The following ZNF35 variants were observed in gnomAD, a reference collection of about 807,000 sequenced individuals.
The protein encoded by ZNF35 is zinc finger protein 35 (clone HF.10).
ZNF35 carries 31 observed loss-of-function variants against 45.9 expected under a neutral mutation model. That is an observed-to-expected ratio of 0.68 (90% confidence interval 0.51 to 0.91). The LOEUF (loss-of-function observed/expected upper bound fraction) is 0.91, where lower values mean the gene tolerates loss of function less well. Among genes scored for constraint, ZNF35 ranks in the 40% least tolerant of loss-of-function variants. ZNF35 has a pLI of 0.00. For missense variants in ZNF35, 515 were observed against 625.4 expected, an observed-to-expected ratio of 0.82 and a Z score of 1.88; for synonymous variants, 205 against 220.2, an observed-to-expected ratio of 0.93 and a Z score of 0.61.
intron 3 of ZNF35, among the ~76,000 whole-genome samples, chr3:44,657,561 A>G (rs1703331408): frequency 6.6e-6 from 1 of 152,102 alleles, no homozygotes; most frequent in African/African-American, 2.4e-5. Flanking sequence ...CCTTTTTGAC[A>G]CCATTAGGTT....
In ZNF35 at chr3:44,659,433, C is replaced by T. The variant is rs753731296; in HGVS notation, c.1070C>T (p.Thr357Ile). ...CTCATTGTCCACCAGAGGATCCACA[C>T]TGGGGAGAAGCCCTTTGCCTGTAAC... ...SNLIVHQRIH[T>I]GEKPFACNDC... Residue 357 changes from threonine (T) to isoleucine (I), a missense_variant, in exon 4 of 4, where the codon ACT becomes ATT. This residue lies in a region of ZNF35 where 232 missense variants were observed against 304.6 expected (regional missense o/e 0.76). Coordinates refer to ENST00000396056, the MANE Select transcript of ZNF35 (RefSeq NM_003420.4). This position sits in a 1 kb window ranked among gnomAD's most constrained non-coding sequence, Gnocchi z 4.3. The T allele has an allele frequency of 1.2e-6, 2 of 1,613,374 alleles. No homozygotes were observed. Among genetic ancestry groups the T allele is most frequent in the African/African-American group, 1.3e-5 (1 of 74,912 alleles).
chr3:44,658,242 C>A (rs1281949923), intron 3 of ZNF35, among the ~76,000 whole-genome samples: 1 of 152,168 alleles, frequency 6.6e-6, no homozygotes, highest in East Asian at 1.9e-4. Flanking sequence ...GTTGCTAGAT[C>A]TTTGTTTACA....
intron 1 of ZNF35, 29 bp downstream of exon 1, chr3:44,648,863 AAC>A (rs1384338706): frequency 6.6e-6 from 1 of 152,260 alleles, no homozygotes; most frequent in Non-Finnish European, 1.5e-5. Context: ...GGTGGGCACG[AAC>A]GTCGAGGGAG....
chr3:44,648,487 G>A (rs1270090974), upstream of ZNF35: 1 of 152,206 alleles, frequency 6.6e-6, no homozygotes, highest in Non-Finnish European at 1.5e-5. Context: ...GCTTTCTACA[G>A]ATTAATGCTG....
rs767448756 is a variant in ZNF35, at chr3:44,659,728, C to G, written c.1365C>G (p.Phe455Leu). 1.7e-5 allele frequency: 28 copies of G among 1,614,010 alleles called. No homozygotes were observed. Among genetic ancestry groups the G allele is most frequent in the Non-Finnish European group, 1.3e-5 (15 of 1,180,028 alleles). ...TGTGTAATGAATGTGGGAAGGCCTT[C>G]ACATGTAGCTCATACCTACTTATTC... ...PYVCNECGKA[F>L]TCSSYLLIHQ... The change falls in exon 4 of 4, where the codon TTC becomes TTG. Residue 455 changes from phenylalanine (F) to leucine (L), a missense_variant. Phe to Leu is a conservative substitution (Grantham distance 22). Transcript: ENST00000396056. The surrounding 1 kb of genome is among the most constrained non-coding windows in gnomAD (Gnocchi z 4.3).
intron 3 of ZNF35, among the ~76,000 whole-genome samples, chr3:44,658,043 G>T (rs1703339954): frequency 6.6e-6 from 1 of 152,204 alleles, no homozygotes; most frequent in Admixed American, 6.5e-5. Context: ...GAGCTAGTTA[G>T]TGTCAGAGCA....
intron 3 of ZNF35, among the ~76,000 whole-genome samples, chr3:44,654,444 G>C (rs1341209804): frequency 2.6e-5 from 4 of 152,176 alleles, no homozygotes; most frequent in African/African-American, 9.7e-5. Context: ...TGTTCATTAA[G>C]TACAGGATTT....
At position 44,651,195 on chromosome 3, in the gene ZNF35, T is replaced by C; in HGVS notation, c.128T>C (p.Ile43Thr). 6.2e-7 allele frequency: 1 copy of C among 1,613,992 alleles called. No homozygotes were observed. Among genetic ancestry groups the C allele is most frequent in the Non-Finnish European group, 8.5e-7 (1 of 1,180,000 alleles). Reference sequence around the variant, plus strand: ...AGCCAACAAGTGCACTCCGAGAACATCAAAGTCTGGGCCCCAGTGCAGGGT... The same window carrying C: ...AGCCAACAAGTGCACTCCGAGAACACCAAAGTCTGGGCCCCAGTGCAGGGT... ...ASSQQVHSENIKVWAPVQGLQ... is the reference protein window; with the variant it reads ...ASSQQVHSENTKVWAPVQGLQ... The change falls in exon 2 of 4, where the codon ATC becomes ACC. Residue 43 changes from isoleucine (I) to threonine (T), a missense_variant. Transcript: ENST00000396056.
chr3:44,657,641 G>T (rs1703332582), intron 3 of ZNF35, among the ~76,000 whole-genome samples: 2 of 152,182 alleles, frequency 1.3e-5, no homozygotes, highest in Admixed American at 6.5e-5. Context: ...AAGTTCTCAT[G>T]ATATTTTCTG....
chr3:44,650,814 A>G (rs1034705271), intron 1 of ZNF35, 127 bp from the exon 2 acceptor site: 36 of 395,398 alleles, frequency 9.1e-5, no homozygotes, highest in Non-Finnish European at 1.6e-4. Flanking sequence ...GGAATAGAGG[A>G]TTCCATGTCC....
Position 44,659,498 on chromosome 3 carries a change from G to T in ZNF35, c.1135G>T (p.Val379Leu), listed in dbSNP as rs1703365573. The T allele has an allele frequency of 1.2e-6, 2 of 1,613,412 alleles. No homozygotes were observed. Among genetic ancestry groups the T allele is most frequent in the Non-Finnish European group, 1.7e-6 (2 of 1,179,858 alleles). The stretch of plus-strand genomic sequence containing the variant: ...CTTTACCCAGAGTGCAAATCTTATT[G>T]TACATCAGCGAAGCCATACTGGTGA... Reference protein sequence around the residue: ...KAFTQSANLIVHQRSHTGEKP... With the variant: ...KAFTQSANLILHQRSHTGEKP... The change falls in exon 4 of 4, where the codon GTA (valine) becomes TTA (leucine). Residue 379 changes from valine to leucine, a missense_variant. Around this residue, in one of 3 missense-constraint regions of ZNF35, gnomAD observed 232 missense variants for 304.6 expected, o/e 0.76. Coordinates refer to ENST00000396056, the MANE Select transcript of ZNF35 (RefSeq NM_003420.4). The surrounding 1 kb of genome is among the most constrained non-coding windows in gnomAD (Gnocchi z 4.3).
intron 3 of ZNF35, among the ~76,000 whole-genome samples, chr3:44,654,454 T>G (rs2125841109): frequency 6.6e-6 from 1 of 152,314 alleles, no homozygotes; most frequent in South Asian, 2.1e-4. Context: ...GTACAGGATT[T>G]GTTGGCGGCC....
chr3:44,655,017 C>T (rs1703272789), intron 3 of ZNF35, among the ~76,000 whole-genome samples: 2 of 152,020 alleles, frequency 1.3e-5, no homozygotes, highest in South Asian at 4.2e-4. Flanking sequence ...GCCTATAGTC[C>T]CAGCTACTTG....
At position 44,651,083 on chromosome 3, in the gene ZNF35, A is replaced by G; in HGVS notation, c.16A>G (p.Arg6Gly). The G allele has an allele frequency of 6.2e-7, 1 of 1,613,628 alleles. No homozygotes were observed. MTAEL[R>G]EAMALAPWGP... is the part of the protein sequence containing the mutation. ...AGCAGAGAAGATGACTGCAGAATTG[A>G]GAGAAGCCATGGCCCTAGCCCCATG... Residue 6 changes from arginine to glycine, a missense_variant, in exon 2 of 4, where the codon AGA becomes GGA. Coordinates refer to ENST00000396056, the MANE Select transcript of ZNF35 (RefSeq NM_003420.4).
At chr3:44,647,093 A>G (rs1208226272), upstream of ZNF35, 2 of 152,236 alleles carry the variant, frequency 1.3e-5, no homozygotes, top group South Asian at 2.1e-4. Context: ...CCAACAAGGG[A>G]TTTGTATGTA....
In ZNF35 at chr3:44,659,513, CAT is replaced by C; in HGVS notation, c.1152_1153del (p.Thr385TrpfsTer2). ...AAATCTTATTGTACATCAGCGAAGC[CAT>C]ACTGGTGAGAAGCCATATGAGTGTA... is the stretch of plus-strand genomic sequence containing the variant. Reference protein sequence around the residue: ...SANLIVHQRSHTGEKPYECKE... With the variant: ...SANLIVHQRSXTGEKPYECKE... On this transcript the variant is annotated frameshift_variant, in exon 4 of 4. Coordinates refer to ENST00000396056, the MANE Select transcript of ZNF35 (RefSeq NM_003420.4). LOFTEE classifies it high-confidence loss of function. The surrounding 1 kb of genome is among the most constrained non-coding windows in gnomAD (Gnocchi z 4.3). The C allele has an allele frequency of 6.2e-7, 1 of 1,614,014 alleles. No individual in the cohort carries two copies. Among genetic ancestry groups the C allele is most frequent in the African/African-American group, 1.3e-5 (1 of 74,982 alleles).
At chr3:44,651,402 A>G in intron 2 of ZNF35, 143 bp downstream of exon 2, 1 of 792,160 alleles carries the variant, frequency 1.3e-6, no homozygotes, top group Non-Finnish European at 2.0e-6. Context: ...GTAATAGGAT[A>G]GAAACATTCC....
intron 3 of ZNF35, among the ~76,000 whole-genome samples, chr3:44,657,755 T>G (rs1410871841): frequency 1.3e-5 from 2 of 152,156 alleles, no homozygotes; most frequent in East Asian, 1.9e-4. Flanking sequence ...CATGTACAGT[T>G]TCTTTTTTTA....
chr3:44,654,404 A>T (rs1335306304), intron 3 of ZNF35, among the ~76,000 whole-genome samples: 3 of 152,004 alleles, frequency 2.0e-5, no homozygotes, highest in Non-Finnish European at 4.4e-5. Context: ...CTCTCTCTGG[A>T]CCTCCATTTC....
Sources: gnomAD v4.1 joint callset for allele counts (sites outside exome capture counted in the v4.1 genomes callset) on GRCh38, gnomAD v4.1.1 for gene constraint, gnomAD v4.1.1 regional missense constraint, Gnocchi (gnomAD v3.1) non-coding constraint, MANE v1.5 for transcripts, NCBI Gene and HGNC (gene_info 2026-07-23, HGNC 2026-07-21) for gene names.